Variants in CFAP299 observed in about 807,000 individuals in gnomAD.
The protein encoded by CFAP299 is cilia and flagella associated protein 299.
CFAP299 carries 21 observed loss-of-function variants against 27.0 expected under a neutral mutation model. The observed-to-expected ratio is 0.78, with a 90% CI of 0.55 to 1.12. The LOEUF (loss-of-function observed/expected upper bound fraction) is 1.12, where lower values mean the gene tolerates loss of function less well. CFAP299 is among the 50% of genes most tolerant of loss of function. The pLI, the probability that CFAP299 is intolerant of heterozygous loss-of-function variation, is 0.00. For missense variants in CFAP299, 310 were observed against 276.6 expected, an observed-to-expected ratio of 1.12 and a Z score of -0.86; for synonymous variants, 104 against 98.1, an observed-to-expected ratio of 1.06 and a Z score of -0.36.
intron 2 of CFAP299, among the ~76,000 whole-genome samples, chr4:80,543,422 A>G (rs1734094039): frequency 6.6e-6 from 1 of 152,238 alleles, no homozygotes. Flanking sequence ...CCATTAAGAT[A>G]TAAGAGGAGG....
chr4:80,371,115 G>A (rs901173684), intron 2 of CFAP299, among the ~76,000 whole-genome samples: 2 of 152,202 alleles, frequency 1.3e-5, no homozygotes, highest in Non-Finnish European at 2.9e-5. Context: ...AAGCCATCAA[G>A]GCTATGGCTT....
chr4:80,876,413 G>A lies in CFAP299; in HGVS notation c.476+6278G>A, dbSNP rs145121645. 9.0e-3 allele frequency among the ~76,000 whole-genome samples: 1,371 copies of A among 152,182 alleles called. 12 individuals carry two copies. The highest frequency in any genetic ancestry group is 0.02 in the Middle Eastern group (6 of 294). On this transcript the variant is annotated intron_variant, in intron 4 of 5. Coordinates refer to ENST00000358105, the MANE Select transcript of CFAP299 (RefSeq NM_152770.3). ...TAAGCAACTGGCATTTCCCCTGCTG[G>A]CACTCATTCTCTCTCCTGCTTTCCT... is the stretch of plus-strand genomic sequence containing the variant.
At chr4:80,722,727 C>T (rs1722906808) in intron 3 of CFAP299, among the ~76,000 whole-genome samples, 2 of 151,964 alleles carry the variant, frequency 1.3e-5, no homozygotes, top group South Asian at 2.1e-4. Flanking sequence ...GGTGAAACCC[C>T]GTCTCTACTA....
At chr4:80,633,245 G>A (rs1739306734) in intron 3 of CFAP299, among the ~76,000 whole-genome samples, 1 of 152,120 alleles carries the variant, frequency 6.6e-6, no homozygotes, top group Non-Finnish European at 1.5e-5. Context: ...TCAGGAGTTT[G>A]AGACCAGCCT....
chr4:80,947,824 A>G (rs1264024525), intron 5 of CFAP299, among the ~76,000 whole-genome samples: 2 of 152,178 alleles, frequency 1.3e-5, no homozygotes. Context: ...TCAAAGATCC[A>G]AGATCTTTTT....
intron 4 of CFAP299, among the ~76,000 whole-genome samples, chr4:80,917,695 C>T (rs373025827): frequency 1.3e-5 from 2 of 152,054 alleles, no homozygotes; most frequent in South Asian, 2.1e-4. Flanking sequence ...AGAATATGAG[C>T]CTTTTGTATT....
intron 3 of CFAP299, among the ~76,000 whole-genome samples, chr4:80,712,466 T>G (rs1206170426): frequency 6.6e-6 from 1 of 152,172 alleles, no homozygotes; most frequent in Admixed American, 6.6e-5. Flanking sequence ...CAAATTGGCT[T>G]AATTTCTTAG....
At chr4:80,674,268 C>T (rs1460320684) in intron 3 of CFAP299, among the ~76,000 whole-genome samples, 1 of 152,068 alleles carries the variant, frequency 6.6e-6, no homozygotes, top group Non-Finnish European at 1.5e-5. Flanking sequence ...TTTTATTTCC[C>T]CTTCACTTAT....
chr4:80,351,280 G>GA (rs1270676269), intron 1 of CFAP299, among the ~76,000 whole-genome samples: 8 of 152,082 alleles, frequency 5.3e-5, no homozygotes, highest in Non-Finnish European at 1.2e-4. Flanking sequence ...ATTATTTAAA[G>GA]AAAAATAATG....
intron 3 of CFAP299, among the ~76,000 whole-genome samples, chr4:80,717,297 C>A (rs937164024): frequency 6.6e-6 from 1 of 151,994 alleles, no homozygotes; most frequent in Admixed American, 6.6e-5. Context: ...CATGTGTAAG[C>A]AGAAAACTGA....
intron 3 of CFAP299, among the ~76,000 whole-genome samples, chr4:80,689,710 A>G (rs1720516796): frequency 6.6e-6 from 1 of 152,200 alleles, no homozygotes; most frequent in Non-Finnish European, 1.5e-5. Context: ...TTTAAATGTA[A>G]ATGGACTAAA....
chr4:80,769,230 A>G (rs180811206), intron 3 of CFAP299, among the ~76,000 whole-genome samples: 2 of 152,286 alleles, frequency 1.3e-5, no homozygotes, highest in East Asian at 3.9e-4. Context: ...GTTTTGTTCA[A>G]TACACTACGG....
Position 80,828,223 on chromosome 4 carries a change from G to A in CFAP299, c.334-41770G>A, listed in dbSNP as rs186793170. Among the ~76,000 whole-genome samples the A allele has an allele frequency of 1.4e-3, 210 of 151,960 alleles. 1 individual carries two copies. The highest frequency in any genetic ancestry group is 2.5e-3 in the Admixed American group (38 of 15,240). On this transcript the variant is annotated intron_variant, in intron 3 of 5. Coordinates refer to ENST00000358105, the MANE Select transcript of CFAP299 (RefSeq NM_152770.3). ...CTGAAATTCATATGGAATCTCAAGG[G>A]ACCTGGAAGAGCCAAAACAATTTTG...
At chr4:80,893,334 C>T (rs1393197534) in intron 4 of CFAP299, among the ~76,000 whole-genome samples, 1 of 151,584 alleles carries the variant, frequency 6.6e-6, no homozygotes, top group Admixed American at 6.6e-5. Context: ...ATTGCAATAT[C>T]CTCATTCCAA....
At chr4:80,804,234 A>G (rs535897813) in intron 3 of CFAP299, among the ~76,000 whole-genome samples, 1 of 152,268 alleles carries the variant, frequency 6.6e-6, no homozygotes, top group East Asian at 1.9e-4. Context: ...TACGTAACTC[A>G]TTTAATTTTG....
Position 80,394,259 on chromosome 4 carries a change from A to T in CFAP299, c.242+31375A>T, listed in dbSNP as rs116132875. On this transcript the variant is annotated intron_variant, in intron 2 of 5. Transcript: ENST00000358105. ...GTCTTCTTTTGAAAAATATCCATTC[A>T]GATCCTTTGACTATTTTCTAATGGG... Among the ~76,000 whole-genome samples, 1,036 of 152,264 alleles carry T rather than the reference A, an allele frequency of 6.8e-3. 7 individuals are homozygous for T. The highest frequency in any genetic ancestry group is 0.012 in the Non-Finnish European group (797 of 68,010).
At chr4:80,924,229 A>G (rs2110213127) in intron 4 of CFAP299, among the ~76,000 whole-genome samples, 1 of 152,148 alleles carries the variant, frequency 6.6e-6, no homozygotes, top group South Asian at 2.1e-4. Context: ...ACATTTATCC[A>G]GAGAAGTCCC....
At position 80,777,140 on chromosome 4, in the gene CFAP299, A is replaced by C. The variant is rs936366238; in HGVS notation, c.334-92853A>C. On this transcript the variant is annotated intron_variant, in intron 3 of 5. Coordinates refer to ENST00000358105, the MANE Select transcript of CFAP299 (RefSeq NM_152770.3). ...GATCAAAAAGGTGACCATGCACTCC[A>C]AAAAGGACTAAATTTCCCCTATTCT... 3.9e-5 allele frequency among the ~76,000 whole-genome samples: 6 copies of C among 152,110 alleles called. No individual in the cohort carries two copies. In the South Asian group the frequency reaches 1.2e-3, roughly 31 times the overall value.
At chr4:80,500,106 T>G (rs562144387) in intron 2 of CFAP299, among the ~76,000 whole-genome samples, 8 of 152,104 alleles carry the variant, frequency 5.3e-5, no homozygotes, top group Non-Finnish European at 8.8e-5. Context: ...TGGATTGAAC[T>G]CCCATCTCAA....
Sources: gnomAD v4.1 joint callset for allele counts (sites outside exome capture counted in the v4.1 genomes callset) on GRCh38, gnomAD v4.1.1 for gene constraint, MANE v1.5 for transcripts, NCBI Gene and HGNC (gene_info 2026-07-23, HGNC 2026-07-21) for gene names.